The following SLC8A1 variants were observed in gnomAD, a reference collection of about 807,000 sequenced individuals.
SLC8A1 encodes sodium/calcium exchanger 1.
In SLC8A1, 18 loss-of-function variants were observed where a neutral mutation model predicts 68.3. The observed-to-expected ratio is 0.26, with a 90% CI of 0.18 to 0.39. The LOEUF is 0.39. Among genes scored for constraint, SLC8A1 ranks in the 10% least tolerant of loss-of-function variants. SLC8A1 has a pLI of 1.00. For synonymous variants in SLC8A1, 475 were observed against 415.5 expected, an observed-to-expected ratio of 1.14 and a Z score of -1.74; for missense variants, 985 against 1,156.7, an observed-to-expected ratio of 0.85 and a Z score of 2.15.
intron 2 of SLC8A1, among the ~76,000 whole-genome samples, chr2:40,317,149 G>T (rs1307096505): frequency 6.6e-6 from 1 of 151,970 alleles, no homozygotes; most frequent in East Asian, 1.9e-4. Context: ...TTCTTTGAAG[G>T]TATCCTTGGC....
intron 2 of SLC8A1, among the ~76,000 whole-genome samples, chr2:40,423,384 T>A (rs866618777): frequency 3.3e-5 from 5 of 152,216 alleles, no homozygotes; most frequent in Middle Eastern, 3.4e-3. Flanking sequence ...TCTCATTATC[T>A]CCCATTTTAG....
chr2:40,164,931 T>C (rs374306625), exon 5 of SLC8A1: 1 of 1,614,010 alleles, frequency 6.2e-7, no homozygotes, highest in Non-Finnish European at 8.5e-7. Context: ...ATTTCTGCAA[T>C]GCGCCTCTCC....
intron 2 of SLC8A1, among the ~76,000 whole-genome samples, chr2:40,427,955 T>C (rs1697310625): frequency 6.6e-6 from 1 of 152,150 alleles, no homozygotes; most frequent in African/African-American, 2.4e-5. Flanking sequence ...TAACTTATAT[T>C]GTCACAAAAC....
intron 2 of SLC8A1, among the ~76,000 whole-genome samples, chr2:40,246,581 A>C (rs2061894700): frequency 6.6e-6 from 1 of 152,192 alleles, no homozygotes; most frequent in Non-Finnish European, 1.5e-5. Context: ...GTTCTTCTGC[A>C]CATCTTGCCT....
intron 7 of SLC8A1, among the ~76,000 whole-genome samples, chr2:40,123,815 T>C (rs543164711): frequency 6.6e-6 from 1 of 152,332 alleles, no homozygotes; most frequent in Non-Finnish European, 1.5e-5. Flanking sequence ...AATAGCTGAA[T>C]TAATTGTCAT....
chr2:40,351,185 T>C (rs376022869), intron 2 of SLC8A1, among the ~76,000 whole-genome samples: 4 of 152,284 alleles, frequency 2.6e-5, no homozygotes, highest in Non-Finnish European at 5.9e-5. Context: ...AAGAACCATA[T>C]CTTACCTAAG....
intron 2 of SLC8A1, among the ~76,000 whole-genome samples, chr2:40,414,288 C>A (rs955458717): frequency 6.6e-6 from 1 of 152,116 alleles, no homozygotes; most frequent in African/African-American, 2.4e-5. Context: ...GACAGCTAGA[C>A]CGTGGGGAAG....
intron 6 of SLC8A1, among the ~76,000 whole-genome samples, chr2:40,155,850 G>A (rs542898441): frequency 6.4e-4 from 98 of 152,244 alleles, no homozygotes; most frequent in African/African-American, 2.3e-3. Context: ...ACTTTAATTT[G>A]CTGTGAAATG....
chr2:40,462,353 T>C (rs910098642), intron 1 of SLC8A1, among the ~76,000 whole-genome samples: 4 of 152,094 alleles, frequency 2.6e-5, no homozygotes, highest in African/African-American at 7.2e-5. Flanking sequence ...TTTTAATTCT[T>C]AATCAACTAT....
At chr2:40,302,682 A>G (rs546429055) in intron 2 of SLC8A1, among the ~76,000 whole-genome samples, 3 of 152,012 alleles carry the variant, frequency 2.0e-5, no homozygotes, top group African/African-American at 7.2e-5. Context: ...GCAGTTGCAA[A>G]TTGTGCTGCT....
At chr2:40,419,059 C>T (rs1281998707) in intron 2 of SLC8A1, among the ~76,000 whole-genome samples, 3 of 152,332 alleles carry the variant, frequency 2.0e-5, no homozygotes, top group South Asian at 2.1e-4. Flanking sequence ...ACTGAACATT[C>T]GTACATCCAT....
At position 40,117,392 on chromosome 2, in the gene SLC8A1, C is replaced by CAA. The variant is rs70957144; in HGVS notation, c.2438-1765_2438-1764dup. Among the ~76,000 whole-genome samples, 41 of 58,724 alleles carry CAA rather than the reference C, an allele frequency of 7.0e-4. 3 individuals carry two copies. The highest frequency in any genetic ancestry group is 2.8e-3 in the African/African-American group (37 of 13,282). The allele number at this position is 58,724 out of a possible 152,430, so 38.5% of individuals were successfully genotyped here. ...AAACCCTGTCTATATACTAAAAATACAAAAAAAAAAAAAAAAAAAAAAAAA... is the reference window on the plus strand; with the variant it reads ...AAACCCTGTCTATATACTAAAAATACAAAAAAAAAAAAAAAAAAAAAAAAAAA... On this transcript the variant is annotated intron_variant, in intron 7 of 7. Coordinates refer to ENST00000406785, the Ensembl canonical transcript of SLC8A1.
intron 2 of SLC8A1, among the ~76,000 whole-genome samples, chr2:40,236,551 T>C (rs1179122654): frequency 6.7e-6 from 1 of 150,300 alleles, no homozygotes; most frequent in African/African-American, 2.4e-5. Flanking sequence ...TGACTCTTTA[T>C]CCAATTTGCC....
intron 2 of SLC8A1, among the ~76,000 whole-genome samples, chr2:40,222,780 C>A (rs1488728753): frequency 6.6e-6 from 1 of 152,324 alleles, no homozygotes; most frequent in African/African-American, 2.4e-5. Flanking sequence ...CTCATCATCA[C>A]TTGTCATTAG....
At chr2:40,110,902 A>G (rs1355602866) in exon 8 of SLC8A1, 2 of 152,136 alleles carry the variant, frequency 1.3e-5, no homozygotes, top group African/African-American at 4.8e-5. Flanking sequence ...TGCTTCCACA[A>G]AGTTATCAGA....
intron 2 of SLC8A1, among the ~76,000 whole-genome samples, chr2:40,263,303 A>G (rs2149102307): frequency 6.6e-6 from 1 of 152,386 alleles, no homozygotes; most frequent in East Asian, 1.9e-4. Flanking sequence ...ATGATACATA[A>G]CATATAATAG....
chr2:40,436,055 C>T (rs1326947240), intron 1 of SLC8A1, among the ~76,000 whole-genome samples: 1 of 151,618 alleles, frequency 6.6e-6, no homozygotes, highest in Non-Finnish European at 1.5e-5. Context: ...CAGGCATGAA[C>T]CACCACGTCT....
At chr2:40,350,100 T>G (rs370438938) in intron 2 of SLC8A1, among the ~76,000 whole-genome samples, 2 of 152,188 alleles carry the variant, frequency 1.3e-5, no homozygotes, top group African/African-American at 4.8e-5. Context: ...CTTGGATGTT[T>G]GTGTTTATGT....
exon 8 of SLC8A1, chr2:40,114,325 T>C (rs1215068200): frequency 1.3e-5 from 2 of 152,720 alleles, no homozygotes; most frequent in Non-Finnish European, 2.9e-5. Context: ...CTGAGACACA[T>C]GTTAATGCAA....
Sources: gnomAD v4.1 joint callset for allele counts (sites outside exome capture counted in the v4.1 genomes callset) on GRCh38, gnomAD v4.1.1 for gene constraint, MANE v1.5 for transcripts, NCBI Gene and HGNC (gene_info 2026-07-23, HGNC 2026-07-21) for gene names.